The following RPRD1B variants were observed in gnomAD, a reference collection of about 807,000 sequenced individuals.
The protein encoded by RPRD1B is regulation of nuclear pre-mRNA domain-containing protein 1B.
In RPRD1B, 11 loss-of-function variants were observed where a neutral mutation model predicts 41.5. The observed-to-expected ratio is 0.27, with a 90% CI of 0.17 to 0.44. RPRD1B has a LOEUF of 0.44. RPRD1B is among the 20% of genes least tolerant of loss of function. The pLI is 1.00. For missense variants in RPRD1B, 248 were observed against 389.9 expected (o/e 0.64, Z 3.06); for synonymous variants, 158 against 155.6 (o/e 1.02, Z -0.12).
chr20:38,040,399 G>C, intron 1 of RPRD1B, 36 bp from the exon 2 acceptor site: 1 of 1,528,748 alleles, frequency 6.5e-7, no homozygotes, highest in South Asian at 1.2e-5. Flanking sequence ...GAATTTCTTT[G>C]GTGTAAGTTA....
At chr20:38,073,456 A>G (rs990855988) in intron 6 of RPRD1B, among the ~76,000 whole-genome samples, 2 of 152,206 alleles carry the variant, frequency 1.3e-5, no homozygotes, top group Admixed American at 6.5e-5. Flanking sequence ...GAAATGGTTC[A>G]GAATCCAACA....
chr20:38,086,925 A>G (rs562734081), intron 6 of RPRD1B, among the ~76,000 whole-genome samples: 1 of 151,920 alleles, frequency 6.6e-6, no homozygotes, highest in East Asian at 1.9e-4. Context: ...AACAGAAACA[A>G]CTGTTGTTTG....
At chr20:38,069,410 C>T (rs971039728) in intron 6 of RPRD1B, among the ~76,000 whole-genome samples, 5 of 152,208 alleles carry the variant, frequency 3.3e-5, no homozygotes, top group Non-Finnish European at 7.3e-5. Flanking sequence ...AACTTCCTGT[C>T]AGGCAATAAA....
rs138654250 is a variant in RPRD1B at position 38,070,835 on chromosome 20, G to T, written c.831+4579G>T. 6.6e-6 allele frequency: 4 copies of T among 607,848 alleles called. No individual in the cohort carries two copies. In the African/African-American group the frequency reaches 8.4e-5, roughly 13 times the overall value. The allele number at this position is 607,848 out of a possible 1,614,324, so 37.7% of individuals were successfully genotyped here. A position where few individuals can be genotyped will look rare whatever the true frequency, so the allele number is the denominator to read the frequency against. Reference sequence around the variant, plus strand: ...AGCTCACTGCCTCCCGGGTTCAAGCGATTCTCGTGCCTCAGCCTCCCGAGT... The same window carrying T: ...AGCTCACTGCCTCCCGGGTTCAAGCTATTCTCGTGCCTCAGCCTCCCGAGT... On this transcript the variant is annotated intron_variant, in intron 6 of 6. Transcript: ENST00000373433.
At position 38,088,118 on chromosome 20, in the gene RPRD1B, G is replaced by A. The variant is rs962021710; in HGVS notation, c.832-1608G>A. ...TTCTCTTCCTTTGTAGACTGTGTGA[G>A]GAGCTCTCATTGCGGGTGGGAGACT... On this transcript the variant is annotated intron_variant, in intron 6 of 6. Coordinates refer to ENST00000373433, the MANE Select transcript of RPRD1B (RefSeq NM_021215.4). Among the ~76,000 whole-genome samples the A allele has an allele frequency of 7.2e-5, 11 of 152,318 alleles. No homozygotes were observed. In the East Asian group the frequency reaches 2.1e-3, roughly 29 times the overall value.
chr20:38,091,351 A>G lies in RPRD1B; in HGVS notation c.*1476A>G, dbSNP rs1163632886. 40 of 985,464 alleles carry G rather than the reference A, an allele frequency of 4.1e-5. No individual in the cohort carries two copies. Among genetic ancestry groups the G allele is most frequent in the Non-Finnish European group, 4.7e-5 (39 of 829,898 alleles). The allele number at this position is 985,464 out of a possible 1,614,324, so 61.0% of individuals were successfully genotyped here. On this transcript the variant is annotated 3_prime_UTR_variant, in exon 7 of 7. Transcript: ENST00000373433. ...AACATAACCTATGTTTATAAAGCAT[A>G]ACGGGCTTCCCTTCCAGAAGCTCTC...
chr20:38,074,200 T>C (rs1457407940), intron 6 of RPRD1B, among the ~76,000 whole-genome samples: 1 of 152,144 alleles, frequency 6.6e-6, no homozygotes, highest in Non-Finnish European at 1.5e-5. Context: ...TTCCCTCCAA[T>C]ATGTGAGGAC....
chr20:38,061,675 A>T (rs151140633), intron 5 of RPRD1B, among the ~76,000 whole-genome samples: 2 of 152,154 alleles, frequency 1.3e-5, no homozygotes, highest in African/African-American at 4.8e-5. Context: ...ACCTGAATGG[A>T]TTGCCTGTGC....
intron 6 of RPRD1B, chr20:38,070,623 T>C (rs1187461459): frequency 6.1e-6 from 6 of 985,342 alleles, no homozygotes; most frequent in Non-Finnish European, 7.2e-6. Context: ...AGACATGTTC[T>C]GTTAGCATGA....
At chr20:38,081,954 G>A (rs575916639) in intron 6 of RPRD1B, among the ~76,000 whole-genome samples, 96 of 152,294 alleles carry the variant, frequency 6.3e-4, no homozygotes, top group African/African-American at 2.3e-3. Flanking sequence ...GCTGGATTTG[G>A]TGTGCTAGTA....
At chr20:38,046,295 C>T (rs77402612) in intron 2 of RPRD1B, among the ~76,000 whole-genome samples, 18,146 of 152,110 alleles carry the variant, frequency 0.12, 1,365 homozygotes, top group South Asian at 0.28. Flanking sequence ...CTGAGGAGTG[C>T]TTAGTTGATT....
At chr20:38,047,215 CTT>C (rs2074129594) in intron 2 of RPRD1B, among the ~76,000 whole-genome samples, 1 of 152,108 alleles carries the variant, frequency 6.6e-6, no homozygotes, top group Admixed American at 6.5e-5. Flanking sequence ...TCACTTCTGA[CTT>C]TAAAAAGTTT....
chr20:38,070,609 A>G, intron 6 of RPRD1B: 1 of 985,446 alleles, frequency 1.0e-6, no homozygotes, highest in Non-Finnish European at 1.2e-6. Flanking sequence ...ATAAAGCATG[A>G]TACAGACATG....
chr20:38,043,870 C>T (rs946897751), intron 2 of RPRD1B, among the ~76,000 whole-genome samples: 2 of 152,000 alleles, frequency 1.3e-5, no homozygotes. Context: ...TTGGCCAGGC[C>T]GAGTGTGAGG....
chr20:38,091,279 C>T lies in RPRD1B; in HGVS notation c.*1404C>T. The T allele has an allele frequency of 2.0e-6, 2 of 985,638 alleles. No homozygotes were observed. Among genetic ancestry groups the T allele is most frequent in the South Asian group, 9.4e-5 (2 of 21,284 alleles). The allele number at this position is 985,638 out of a possible 1,614,324, so 61.1% of individuals were successfully genotyped here. On this transcript the variant is annotated 3_prime_UTR_variant, in exon 7 of 7. Coordinates refer to ENST00000373433, the MANE Select transcript of RPRD1B (RefSeq NM_021215.4). Reference sequence around the variant, plus strand: ...CTCCATTAATTTGTGTTGCTACTTCCAGGATCACCAAAAATTACATGTAAT... The same window carrying T: ...CTCCATTAATTTGTGTTGCTACTTCTAGGATCACCAAAAATTACATGTAAT...
intron 2 of RPRD1B, among the ~76,000 whole-genome samples, chr20:38,043,080 A>G (rs1859004755): frequency 6.6e-6 from 1 of 152,230 alleles, no homozygotes; most frequent in Non-Finnish European, 1.5e-5. Flanking sequence ...GGGGAGCAGC[A>G]GTGAACAAGG....
In RPRD1B at chr20:38,052,896, TCA is replaced by T. The variant is rs1430556621; in HGVS notation, c.415+4418_415+4419del. Among the ~76,000 whole-genome samples the T allele has an allele frequency of 2.0e-5, 3 of 151,828 alleles. No individual in the cohort carries two copies. The East Asian group carries it at 5.8e-4, about 29-fold the overall frequency. ...CCAGCTTTTTGCCTTAAGATTAGTT[TCA>T]CAGTCTGCCATTGTGTCTGAAATTC... is the stretch of plus-strand genomic sequence containing the variant. On this transcript the variant is annotated intron_variant, in intron 3 of 6. Coordinates refer to ENST00000373433, the MANE Select transcript of RPRD1B (RefSeq NM_021215.4).
In RPRD1B at chr20:38,069,978, A is replaced by G. The variant is rs530771103; in HGVS notation, c.831+3722A>G. 1.0e-3 allele frequency among the ~76,000 whole-genome samples: 156 copies of G among 152,212 alleles called. 2 individuals are homozygous for G. The highest frequency in any genetic ancestry group is 3.7e-3 in the African/African-American group (153 of 41,538). On this transcript the variant is annotated intron_variant, in intron 6 of 6. Transcript: ENST00000373433. ...AGTAAATACTTGTTCTGTGAAATCC[A>G]TCACTTGATGTAACCTTTTTCTATA...
At chr20:38,053,491 C>T (rs919043922) in intron 3 of RPRD1B, among the ~76,000 whole-genome samples, 3 of 152,148 alleles carry the variant, frequency 2.0e-5, no homozygotes, top group African/African-American at 7.2e-5. Flanking sequence ...GTGCTCCTGT[C>T]GGAGAAGAAC....
Sources: gnomAD v4.1 joint callset for allele counts (sites outside exome capture counted in the v4.1 genomes callset) on GRCh38, gnomAD v4.1.1 for gene constraint, MANE v1.5 for transcripts, NCBI Gene and HGNC (gene_info 2026-07-23, HGNC 2026-07-21) for gene names.